The following CACNA1C variants were observed in gnomAD, a reference collection of about 807,000 sequenced individuals.
CACNA1C encodes calcium voltage-gated channel subunit alpha1 C, also known as voltage-dependent L-type calcium channel subunit alpha-1C.
A neutral mutation model predicts 229.0 loss-of-function variants in CACNA1C; 30 were observed. The ratio of observed to expected loss-of-function variants is 0.13; its 90% CI spans 0.10 to 0.18. The LOEUF is 0.18. Ranked by LOEUF, CACNA1C falls within the 10% of genes least tolerant of loss-of-function variation. The pLI is 1.00. For synonymous variants in CACNA1C, 1,114 were observed against 1,132.5 expected, an observed-to-expected ratio of 0.98 and a Z score of 0.33; for missense variants, 1,658 against 2,845.0, an observed-to-expected ratio of 0.58 and a Z score of 9.49.
At chr12:2,615,980 A>T (rs2080321836) in intron 29 of CACNA1C, among the ~76,000 whole-genome samples, 3 of 152,170 alleles carry the variant, frequency 2.0e-5, no homozygotes, top group Admixed American at 2.0e-4. Flanking sequence ...AGAGGGGTGA[A>T]GCAGCTGAGA....
intron 1 of CACNA1C, among the ~76,000 whole-genome samples, chr12:2,027,226 G>T (rs975870069): frequency 1.3e-5 from 2 of 152,190 alleles, no homozygotes; most frequent in Non-Finnish European, 2.9e-5. Flanking sequence ...GCAGAGCAAG[G>T]GGGTTTAGGA....
At chr12:2,135,182 A>G (rs1329000913) in intron 3 of CACNA1C, among the ~76,000 whole-genome samples, 1 of 144,814 alleles carries the variant, frequency 6.9e-6, no homozygotes, top group Non-Finnish European at 1.5e-5. Flanking sequence ...ACTTCTCTGT[A>G]TTGGTTATTC....
intron 3 of CACNA1C, among the ~76,000 whole-genome samples, chr12:2,334,543 G>C (rs774857392): frequency 6.6e-6 from 1 of 152,092 alleles, no homozygotes; most frequent in Non-Finnish European, 1.5e-5. Context: ...GGTGGTTCAC[G>C]CCCATAGTCC....
At chr12:2,376,105 C>T (rs1314072652) in intron 3 of CACNA1C, among the ~76,000 whole-genome samples, 2 of 152,260 alleles carry the variant, frequency 1.3e-5, no homozygotes, top group Non-Finnish European at 2.9e-5. Context: ...AGTGAAATGA[C>T]ATGGTTGCTC....
rs190086897 is a variant in CACNA1C at position 2,089,809 on chromosome 12, C to G, written c.50-25415C>G. On this transcript the variant is annotated intron_variant, in intron 1 of 46. Transcript: ENST00000399655. ...CAGCACTTGGGGAGGCTGAGGTGGGCGGATCACAAGGTCGGGAGATCGAGA... is the reference window on the plus strand; with the variant it reads ...CAGCACTTGGGGAGGCTGAGGTGGGGGGATCACAAGGTCGGGAGATCGAGA... Among the ~76,000 whole-genome samples the G allele has an allele frequency of 6.5e-3, 987 of 151,758 alleles. 17 individuals are homozygous for G. The highest frequency in any genetic ancestry group is 0.022 in the African/African-American group (917 of 41,212).
Position 2,550,030 on chromosome 12 carries a change from T to G in CACNA1C, c.1478T>G (p.Leu493Arg). ...GAGGGAGAAAACTGCGGGGCCAGGC[T>G]GGCGTGAGTAGGCACGGCGAGCCCA... ...DIEGENCGAR[L>R]AHRISKSKFS... Residue 493 changes from leucine (L) to arginine (R), a missense_variant, in exon 10 of 47, where the codon CTG becomes CGG. Leu to Arg is a moderately radical substitution (Grantham distance 102, BLOSUM62 -2). Coordinates refer to ENST00000399655, the MANE Select transcript of CACNA1C (RefSeq NM_000719.7). 1 of 1,601,574 alleles carries G rather than the reference T, an allele frequency of 6.2e-7. No individual in the cohort carries two copies. Among genetic ancestry groups the G allele is most frequent in the Non-Finnish European group, 8.5e-7 (1 of 1,173,486 alleles).
rs963095519 is a variant in CACNA1C, at chr12:2,319,801, G to A, written c.478-129175G>A. ...CAGAGCACTAGATGGGAAGGGGCTG[G>A]ACCCTGAAAGAGCCTGCCAGGTATC... On this transcript the variant is annotated intron_variant, in intron 3 of 46. Transcript: ENST00000399655. This position sits in a 1 kb window ranked among gnomAD's most constrained non-coding sequence, Gnocchi z 4.0. Among the ~76,000 whole-genome samples, 10 of 152,200 alleles carry A rather than the reference G, an allele frequency of 6.6e-5. No homozygotes were observed. The highest frequency in any genetic ancestry group is 3.9e-4 in the Admixed American group (6 of 15,294).
intron 1 of CACNA1C, among the ~76,000 whole-genome samples, chr12:2,043,687 C>T (rs1162919640): frequency 1.3e-4 from 16 of 124,558 alleles, no homozygotes; most frequent in Admixed American, 6.3e-4. Context: ...CTCGCTCTGT[C>T]GCCCAGGCCG....
At chr12:2,581,827 C>A in intron 14 of CACNA1C, 30 bp downstream of exon 14, 1 of 1,440,910 alleles carries the variant, frequency 6.9e-7, no homozygotes, top group Non-Finnish European at 9.7e-7. Flanking sequence ...GGGATTCGGA[C>A]TCGGGGTGGT....
chr12:2,317,374 G>A lies in CACNA1C; in HGVS notation c.478-131602G>A, dbSNP rs1468762366. Among the ~76,000 whole-genome samples, 9 of 152,186 alleles carry A rather than the reference G, an allele frequency of 5.9e-5. No homozygotes were observed. In the South Asian group the frequency reaches 8.3e-4, roughly 14 times the overall value. ...CATGGATGAACCTCGAGGACATGAC[G>A]CGAAGAGAAATTAGCCAGTCACAAA... On this transcript the variant is annotated intron_variant, in intron 3 of 46. Coordinates refer to ENST00000399655, the MANE Select transcript of CACNA1C (RefSeq NM_000719.7).
intron 4 of CACNA1C, among the ~76,000 whole-genome samples, chr12:2,456,061 C>T (rs904983621): frequency 5.3e-5 from 8 of 152,198 alleles, no homozygotes; most frequent in African/African-American, 1.9e-4. Flanking sequence ...CATTCGATGT[C>T]CAAGCAACAA....
intron 1 of CACNA1C, among the ~76,000 whole-genome samples, chr12:2,075,625 T>C (rs185141377): frequency 6.6e-6 from 1 of 152,358 alleles, no homozygotes; most frequent in Admixed American, 6.5e-5. Flanking sequence ...TCTTTCTTGC[T>C]TGCTTAAATA....
intron 1 of CACNA1C, among the ~76,000 whole-genome samples, chr12:2,105,442 C>T (rs187851718): frequency 1.3e-4 from 20 of 152,314 alleles, no homozygotes; most frequent in African/African-American, 4.8e-4. Context: ...TGAACTGTGT[C>T]TGTAGCAGGA....
At chr12:2,490,214 C>T (rs987181585) in intron 6 of CACNA1C, among the ~76,000 whole-genome samples, 3 of 152,216 alleles carry the variant, frequency 2.0e-5, no homozygotes, top group Admixed American at 2.0e-4. Context: ...AGTGAGATCA[C>T]TTCCCCTTGA....
chr12:2,570,092 C>T (rs1420341294), intron 13 of CACNA1C, among the ~76,000 whole-genome samples: 1 of 152,144 alleles, frequency 6.6e-6, no homozygotes, highest in Non-Finnish European at 1.5e-5. Flanking sequence ...TATGATCAAC[C>T]TTAGAAGACA....
intron 3 of CACNA1C, among the ~76,000 whole-genome samples, chr12:2,327,187 CA>C (rs534870407): frequency 1.3e-4 from 19 of 151,096 alleles, no homozygotes; most frequent in African/African-American, 4.1e-4. Flanking sequence ...GTTTAATTAA[CA>C]AAAAAAAAGG....
At chr12:2,209,622 G>A (rs2097859525) in intron 3 of CACNA1C, among the ~76,000 whole-genome samples, 1 of 152,172 alleles carries the variant, frequency 6.6e-6, no homozygotes, top group Non-Finnish European at 1.5e-5. Flanking sequence ...GGGAGCTGAA[G>A]TTTAAAATAA....
chr12:2,147,731 C>G (rs1052918203), intron 3 of CACNA1C, among the ~76,000 whole-genome samples: 9 of 142,282 alleles, frequency 6.3e-5, no homozygotes, highest in African/African-American at 1.8e-4. Flanking sequence ...AGAGAAAATG[C>G]AAATTACAGA....
Position 2,512,801 on chromosome 12 carries a change from A to G in CACNA1C, c.1218-11A>G, listed in dbSNP as rs536356044. On this transcript the variant is annotated splice_polypyrimidine_tract_variant and intron_variant, in intron 8 of 46. Transcript: ENST00000399655. The surrounding 1 kb of genome is among the most constrained non-coding windows in gnomAD (Gnocchi z 4.3). ...GCTCTCCTGCCCTGCCCCTCCTCTC[A>G]CTCTCACCAGAGAGTTTTCCAAAGA... The G allele has an allele frequency of 1.0e-5, 16 of 1,601,250 alleles. No individual in the cohort carries two copies. Among genetic ancestry groups the G allele is most frequent in the Non-Finnish European group, 1.4e-5 (16 of 1,173,774 alleles).
Sources: allele counts gnomAD v4.1 joint callset (sites outside exome capture counted in the v4.1 genomes callset), GRCh38; gene constraint gnomAD v4.1.1; non-coding constraint Gnocchi (gnomAD v3.1); transcripts MANE v1.5; gene names NCBI Gene and HGNC (gene_info 2026-07-23, HGNC 2026-07-21).